The following OSBPL1A variants were observed in gnomAD, a reference collection of about 807,000 sequenced individuals.
OSBPL1A encodes oxysterol-binding protein-related protein 1.
OSBPL1A carries 80 observed loss-of-function variants against 137.1 expected under a neutral mutation model. That is an observed-to-expected ratio of 0.58 (90% CI 0.49 to 0.70). The LOEUF (loss-of-function observed/expected upper bound fraction) is 0.70. Among genes scored for constraint, OSBPL1A ranks in the 30% least tolerant of loss-of-function variants. The pLI is 0.00. For synonymous variants in OSBPL1A, 365 were observed against 389.7 expected, an observed-to-expected ratio of 0.94 and a Z score of 0.75; for missense variants, 970 against 1,129.4, an observed-to-expected ratio of 0.86 and a Z score of 2.02.
rs889197995 is a variant in OSBPL1A at position 24,368,657 on chromosome 18, C to T, written c.122-285G>A. 1.1e-5 allele frequency: 3 copies of T among 273,526 alleles called. No individual in the cohort carries two copies. In the Admixed American group the frequency reaches 1.4e-4, roughly 12 times the overall value. 16.9% of individuals were successfully genotyped at this position (273,526 alleles called of 1,614,324 possible). On this transcript the variant is annotated intron_variant, in intron 2 of 27. Transcript: ENST00000319481. Reference sequence around the variant, plus strand: ...TAGATGATCTCTAGCAGCTTCTTGACTCTAGGGCTCCGAGTCTTTAATCAT... The same window carrying T: ...TAGATGATCTCTAGCAGCTTCTTGATTCTAGGGCTCCGAGTCTTTAATCAT...
rs764967609 is a variant in OSBPL1A at position 24,303,676 on chromosome 18, TG to T, written c.1134del (p.Asn379ThrfsTer5). On this transcript the variant is annotated frameshift_variant, in exon 14 of 28. Coordinates refer to ENST00000319481, the MANE Select transcript of OSBPL1A (RefSeq NM_080597.4). LOFTEE classifies it high-confidence loss of function. ...SCQQRLDREI[S>X]NFLKMIKECD... ...CACTCCTTAATCATTTTGAGAAAGT[TG>T]GAAATTTCCCTATCTAGTCGCTGTT... 149 of 1,613,578 alleles carry T rather than the reference TG, an allele frequency of 9.2e-5. No homozygotes were observed. The highest frequency in any genetic ancestry group is 1.2e-4 in the Non-Finnish European group (147 of 1,179,774).
chr18:24,317,456 G>T, intron 9 of OSBPL1A, 56 bp from the exon 10 acceptor site: 2 of 1,367,582 alleles, frequency 1.5e-6, no homozygotes, highest in South Asian at 2.3e-5. Context: ...TCAAATGCTT[G>T]ACTGATAAAA....
chr18:24,261,289 A>G (rs1264983475), intron 15 of OSBPL1A, among the ~76,000 whole-genome samples: 2 of 152,228 alleles, frequency 1.3e-5, no homozygotes, highest in African/African-American at 4.8e-5. Flanking sequence ...ACAAAGAGGC[A>G]GTAAGGAACT....
chr18:24,169,651 G>A (rs9635963), intron 24 of OSBPL1A, among the ~76,000 whole-genome samples: 91,874 of 152,082 alleles, frequency 0.6, 31,002 homozygotes, highest in Non-Finnish European at 0.77. Flanking sequence ...GTTTGTGCTC[G>A]GAACCATTGT....
intron 18 of OSBPL1A, 101 bp downstream of exon 18, chr18:24,196,024 G>T (rs375850754): frequency 3.3e-6 from 3 of 896,436 alleles, no homozygotes; most frequent in East Asian, 2.6e-5. Flanking sequence ...TCCCATAAAC[G>T]TTGTCGTGCA....
intron 1 of OSBPL1A, among the ~76,000 whole-genome samples, chr18:24,395,681 C>T (rs1343656963): frequency 6.6e-6 from 1 of 151,726 alleles, no homozygotes; most frequent in Non-Finnish European, 1.5e-5. Flanking sequence ...AGTGCAACAG[C>T]ACGATCTCCA....
intron 2 of OSBPL1A, among the ~76,000 whole-genome samples, chr18:24,376,491 CAG>C (rs2146204009): frequency 6.6e-6 from 1 of 152,366 alleles, no homozygotes; most frequent in South Asian, 2.1e-4. Context: ...ACCTCCCCAC[CAG>C]ACTCAGGAGC....
At position 24,332,074 on chromosome 18, in the gene OSBPL1A, T is replaced by C. The variant is rs535993966; in HGVS notation, c.625+868A>G. Among the ~76,000 whole-genome samples, 6 of 152,204 alleles carry C rather than the reference T, an allele frequency of 3.9e-5. No individual in the cohort carries two copies. In the East Asian group the frequency reaches 1.2e-3, roughly 29 times the overall value. ...TTGTATTTTTTGTTGGTGACTTTGCTGTTTAAAATGGCCCCAAGCGGCCAG... is the reference window on the plus strand; with the variant it reads ...TTGTATTTTTTGTTGGTGACTTTGCCGTTTAAAATGGCCCCAAGCGGCCAG... On this transcript the variant is annotated intron_variant, in intron 7 of 27. Coordinates refer to ENST00000319481, the MANE Select transcript of OSBPL1A (RefSeq NM_080597.4).
intron 1 of OSBPL1A, 90 bp from the exon 2 acceptor site, chr18:24,377,625 C>T (rs1343186914): frequency 1.2e-5 from 16 of 1,313,628 alleles, no homozygotes; most frequent in Non-Finnish European, 1.6e-5. Flanking sequence ...GGAAAGAATC[C>T]TCATTTTGCA....
intron 14 of OSBPL1A, among the ~76,000 whole-genome samples, chr18:24,299,745 A>G (rs1255440325): frequency 6.6e-6 from 1 of 152,220 alleles, no homozygotes; most frequent in African/African-American, 2.4e-5. Context: ...AAGTCCTTCT[A>G]ATTTATTTAA....
intron 1 of OSBPL1A, among the ~76,000 whole-genome samples, chr18:24,393,471 G>T (rs1181364947): frequency 4.0e-5 from 6 of 151,522 alleles, no homozygotes; most frequent in Non-Finnish European, 7.4e-5. Context: ...TATTTTTTTT[G>T]AGACGGAGTC....
At chr18:24,243,698 A>C (rs1378467426) in intron 15 of OSBPL1A, among the ~76,000 whole-genome samples, 1 of 152,240 alleles carries the variant, frequency 6.6e-6, no homozygotes, top group African/African-American at 2.4e-5. Context: ...CAGGACAGGA[A>C]GAGACTGAGG....
At chr18:24,198,001 T>C (rs1474354882) in intron 17 of OSBPL1A, among the ~76,000 whole-genome samples, 2 of 152,108 alleles carry the variant, frequency 1.3e-5, no homozygotes, top group Non-Finnish European at 2.9e-5. Context: ...TTGGCCAGGT[T>C]GGTCTTGAAC....
chr18:24,239,279 A>G lies in OSBPL1A; in HGVS notation c.1385T>C (p.Val462Ala). ...GATGCTGGCGGGTGGAGAGCCTTTC[A>G]CCAGAGACTGCTCTAATTCATGATG... is the stretch of plus-strand genomic sequence containing the variant. ...TEHHELEQSL[V>A]KGSPPASILS... The change falls in exon 16 of 28, where the codon GTG becomes GCG. Residue 462 changes from valine (V) to alanine (A), a missense_variant. Around this residue, in one of 2 missense-constraint regions of OSBPL1A, gnomAD observed 647 missense variants for 672.6 expected, o/e 0.96. Coordinates refer to ENST00000319481, the MANE Select transcript of OSBPL1A (RefSeq NM_080597.4). 6.2e-7 allele frequency: 1 copy of G among 1,614,104 alleles called. No homozygotes were observed. Among genetic ancestry groups the G allele is most frequent in the South Asian group, 1.1e-5 (1 of 91,080 alleles).
chr18:24,327,611 G>A (rs1402731099), intron 7 of OSBPL1A, among the ~76,000 whole-genome samples: 4 of 151,990 alleles, frequency 2.6e-5, no homozygotes, highest in Non-Finnish European at 5.9e-5. Flanking sequence ...ATTTCATCAT[G>A]TTGGTCAGGC....
chr18:24,180,756 A>G (rs993558687), intron 19 of OSBPL1A, among the ~76,000 whole-genome samples: 4 of 152,052 alleles, frequency 2.6e-5, no homozygotes, highest in Non-Finnish European at 5.9e-5. Context: ...GGGTGCCTGT[A>G]GTCCCAGCTA....
chr18:24,243,707 G>C (rs897307094), intron 15 of OSBPL1A, among the ~76,000 whole-genome samples: 1 of 152,196 alleles, frequency 6.6e-6, no homozygotes, highest in Admixed American at 6.6e-5. Context: ...AAGAGACTGA[G>C]GCTCTAGCCA....
chr18:24,360,578 G>A (rs1003488594), intron 4 of OSBPL1A, among the ~76,000 whole-genome samples: 2 of 152,008 alleles, frequency 1.3e-5, no homozygotes, highest in Non-Finnish European at 2.9e-5. Flanking sequence ...TAAGACAACA[G>A]ATAACAAAAT....
chr18:24,342,699 T>A (rs2091291471), intron 4 of OSBPL1A, among the ~76,000 whole-genome samples: 1 of 152,180 alleles, frequency 6.6e-6, no homozygotes, highest in Non-Finnish European at 1.5e-5. Flanking sequence ...ATTACCCTCA[T>A]CATTTTATGA....
Sources: allele counts gnomAD v4.1 joint callset (sites outside exome capture counted in the v4.1 genomes callset), GRCh38; gene constraint gnomAD v4.1.1; regional missense constraint gnomAD v4.1.1; transcripts MANE v1.5; gene names NCBI Gene and HGNC (gene_info 2026-07-23, HGNC 2026-07-21).